NCAM2: variants seen among roughly 807,000 people sequenced by gnomAD.
The protein encoded by NCAM2 is N-CAM-2.
A neutral mutation model predicts 98.1 loss-of-function variants in NCAM2; 30 were observed. The ratio of observed to expected loss-of-function variants is 0.31; its 90% CI spans 0.23 to 0.41. The LOEUF is 0.41. Among genes scored for constraint, NCAM2 ranks in the 10% least tolerant of loss-of-function variants. The pLI is 1.00. For synonymous variants in NCAM2, 368 were observed against 342.4 expected (o/e 1.07, Z -0.83); for missense variants, 867 against 1,005.8 (o/e 0.86, Z 1.87).
chr21:21,206,299 A>G (rs1201209009), intron 1 of NCAM2, among the ~76,000 whole-genome samples: 3 of 152,200 alleles, frequency 2.0e-5, no homozygotes, highest in African/African-American at 7.2e-5. Context: ...TTTTTACAAC[A>G]TAAAGTTGTG....
intron 1 of NCAM2, among the ~76,000 whole-genome samples, chr21:21,052,112 C>T (rs1032781883): frequency 1.4e-4 from 21 of 146,736 alleles, no homozygotes; most frequent in African/African-American, 3.6e-4. Flanking sequence ...CCAGGATTTT[C>T]GTAAGCTGTA....
At chr21:21,085,728 A>G (rs1002087547) in intron 1 of NCAM2, among the ~76,000 whole-genome samples, 2 of 152,106 alleles carry the variant, frequency 1.3e-5, no homozygotes, top group African/African-American at 2.4e-5. Context: ...ATTAGTTTCC[A>G]GTTGTTTATT....
chr21:21,261,980 A>C (rs928913363), intron 1 of NCAM2, among the ~76,000 whole-genome samples: 5 of 152,160 alleles, frequency 3.3e-5, no homozygotes, highest in Non-Finnish European at 7.4e-5. Context: ...AACTAAGAAA[A>C]AAGAGCAGAT....
intron 9 of NCAM2, among the ~76,000 whole-genome samples, chr21:21,396,672 G>C (rs1333292947): frequency 2.0e-5 from 3 of 152,294 alleles, no homozygotes; most frequent in Non-Finnish European, 4.4e-5. Flanking sequence ...GGGACAGGCA[G>C]CTCCAGGTGC....
At chr21:21,285,486 T>C (rs1260411682) in intron 3 of NCAM2, among the ~76,000 whole-genome samples, 1 of 151,964 alleles carries the variant, frequency 6.6e-6, no homozygotes, top group East Asian at 1.9e-4. Context: ...CTAGAGTATC[T>C]ATTTCACAAT....
At chr21:21,325,907 C>T (rs926008464) in intron 6 of NCAM2, among the ~76,000 whole-genome samples, 4 of 152,080 alleles carry the variant, frequency 2.6e-5, no homozygotes, top group South Asian at 2.1e-4. Flanking sequence ...AAGCTTATGC[C>T]GATCTTAGCT....
At chr21:21,144,085 C>A (rs1001130751) in intron 1 of NCAM2, among the ~76,000 whole-genome samples, 8 of 152,058 alleles carry the variant, frequency 5.3e-5, no homozygotes, top group Non-Finnish European at 1.0e-4. Flanking sequence ...CACGGTGACT[C>A]ACACCTGTAA....
chr21:21,263,992 A>T (rs886750959), intron 1 of NCAM2, among the ~76,000 whole-genome samples: 2 of 152,160 alleles, frequency 1.3e-5, no homozygotes, highest in Non-Finnish European at 2.9e-5. Flanking sequence ...AAAAATAGAC[A>T]AATGGGATTT....
At chr21:21,261,725 A>C (rs1220597014) in intron 1 of NCAM2, among the ~76,000 whole-genome samples, 3 of 152,158 alleles carry the variant, frequency 2.0e-5, no homozygotes, top group African/African-American at 7.2e-5. Flanking sequence ...GTTAAGATGA[A>C]AGCAGTAGTG....
rs1990274820 is a variant in NCAM2 at position 21,542,581 on chromosome 21, A to G, written c.*4624A>G. ...TTTTGGCATCTGTTTTTAGCCTCCC[A>G]TGGAAGACAGTAAGCAAAACCATCA... On this transcript the variant is annotated 3_prime_UTR_variant, in exon 18 of 18. Transcript: ENST00000400546. The G allele has an allele frequency of 6.6e-6, 1 of 151,700 alleles. No individual in the cohort carries two copies. Among genetic ancestry groups the G allele is most frequent in the Admixed American group, 6.6e-5 (1 of 15,148 alleles). 9.4% of individuals were successfully genotyped at this position (151,700 alleles called of 1,614,324 possible).
At chr21:21,203,961 T>C (rs2069337719) in intron 1 of NCAM2, among the ~76,000 whole-genome samples, 1 of 152,182 alleles carries the variant, frequency 6.6e-6, no homozygotes, top group Admixed American at 6.6e-5. Context: ...TTTTCTTGTT[T>C]GTTTCCTCTT....
At chr21:21,040,504 A>G (rs141146681) in intron 1 of NCAM2, among the ~76,000 whole-genome samples, 292 of 152,282 alleles carry the variant, frequency 1.9e-3, no homozygotes, top group Non-Finnish European at 3.7e-3. Context: ...GCAATATTCT[A>G]TAGTAAGTGC....
intron 1 of NCAM2, among the ~76,000 whole-genome samples, chr21:21,212,957 G>A (rs182803099): frequency 6.6e-6 from 1 of 151,956 alleles, no homozygotes; most frequent in East Asian, 1.9e-4. Flanking sequence ...AGCCAGGATG[G>A]TCTCGATCTC....
intron 16 of NCAM2, among the ~76,000 whole-genome samples, chr21:21,516,881 A>G (rs1166187489): frequency 6.6e-6 from 1 of 152,110 alleles, no homozygotes; most frequent in Admixed American, 6.6e-5. Flanking sequence ...ACTCTGTATC[A>G]TCTTTTTTCT....
In NCAM2 at chr21:21,410,411, A is replaced by C; in HGVS notation, c.1333A>C (p.Asn445His). The stretch of plus-strand genomic sequence containing the variant: ...AGATAAATTAGTCTTACCTGCTAAA[A>C]ACACGACCAATTTAAAGACTTATAG... ...RRDKLVLPAK[N>H]TTNLKTYSTG... The change falls in exon 10 of 18, where the codon AAC becomes CAC. Residue 445 changes from asparagine (N) to histidine (H), a missense_variant. Physicochemically the swap from Asn to His is moderately conservative, Grantham distance 68. Coordinates refer to ENST00000400546, the MANE Select transcript of NCAM2 (RefSeq NM_004540.5). 8 of 1,596,918 alleles carry C rather than the reference A, an allele frequency of 5.0e-6. No homozygotes were observed. The highest frequency in any genetic ancestry group is 6.8e-6 in the Non-Finnish European group (8 of 1,171,262).
rs933415192 is a variant in NCAM2, at chr21:21,038,647, T to C, written c.55+40029T>C. On this transcript the variant is annotated intron_variant, in intron 1 of 17. Coordinates refer to ENST00000400546, the MANE Select transcript of NCAM2 (RefSeq NM_004540.5). Reference sequence around the variant, plus strand: ...CCTTCCACCAAGGTTATAAGCTTCCTAAGGCCTCCCCAGCCCTGCGGAACT... The same window carrying C: ...CCTTCCACCAAGGTTATAAGCTTCCCAAGGCCTCCCCAGCCCTGCGGAACT... 5.3e-5 allele frequency among the ~76,000 whole-genome samples: 8 copies of C among 152,216 alleles called. No homozygotes were observed. The South Asian group carries it at 1.0e-3, about 20-fold the overall frequency.
chr21:21,517,875 A>G (rs914125605), intron 16 of NCAM2, among the ~76,000 whole-genome samples: 3 of 152,166 alleles, frequency 2.0e-5, no homozygotes, highest in Admixed American at 6.5e-5. Flanking sequence ...ATAAAACTTT[A>G]TCACCTTGTA....
intron 1 of NCAM2, among the ~76,000 whole-genome samples, chr21:21,037,152 C>T (rs546901085): frequency 6.6e-6 from 1 of 152,264 alleles, no homozygotes; most frequent in East Asian, 1.9e-4. Context: ...CATCAGTCTC[C>T]CTAATAGCTG....
intron 1 of NCAM2, among the ~76,000 whole-genome samples, chr21:21,065,669 A>G (rs1002307689): frequency 1.3e-5 from 2 of 152,160 alleles, no homozygotes; most frequent in Non-Finnish European, 2.9e-5. Context: ...TGGCTATTTC[A>G]AGACAAATTC....
Sources: allele counts gnomAD v4.1 joint callset (sites outside exome capture counted in the v4.1 genomes callset), GRCh38; gene constraint gnomAD v4.1.1; transcripts MANE v1.5; gene names NCBI Gene and HGNC (gene_info 2026-07-23, HGNC 2026-07-21).